The following LYPLAL1 variants were observed in gnomAD, a reference collection of about 807,000 sequenced individuals.
The protein encoded by LYPLAL1 is lysophospholipase-like protein 1.
In LYPLAL1, 23 loss-of-function variants were observed where a neutral mutation model predicts 19.7. The observed-to-expected ratio is 1.17, with a 90% confidence interval of 0.84 to 1.65. LYPLAL1 has a LOEUF of 1.65. LYPLAL1 is among the 40% of genes most tolerant of loss of function. The pLI, the probability that LYPLAL1 is intolerant of heterozygous loss-of-function variation, is 0.00. For missense variants in LYPLAL1, 355 were observed against 279.4 expected (o/e 1.27, Z -1.93); for synonymous variants, 119 against 96.3 (o/e 1.24, Z -1.38).
the LYPLAL1 span, among the ~76,000 whole-genome samples, chr1:219,360,521 T>C: frequency 1.2e-4 from 18 of 152,326 alleles, no homozygotes; most frequent in African/African-American, 4.3e-4. Flanking sequence ...TTATTCTTCT[T>C]CATATTCCAA....
chr1:219,283,697 C>T, the LYPLAL1 span, among the ~76,000 whole-genome samples: 4 of 152,130 alleles, frequency 2.6e-5, no homozygotes, highest in African/African-American at 9.7e-5. Context: ...TTATTAGGAA[C>T]CATAGAAGCA....
chr1:219,274,226 C>T, the LYPLAL1 span, among the ~76,000 whole-genome samples: 1 of 152,054 alleles, frequency 6.6e-6, no homozygotes, highest in Non-Finnish European at 1.5e-5. Flanking sequence ...AACAGCATGC[C>T]CAAATGTAGA....
intron 2 of LYPLAL1, among the ~76,000 whole-genome samples, chr1:219,183,643 G>T (rs1392253247): frequency 6.6e-6 from 1 of 151,806 alleles, no homozygotes; most frequent in East Asian, 1.9e-4. Flanking sequence ...GCATAGTTTG[G>T]CTTGTTCTTG....
At chr1:219,354,722 A>T in the LYPLAL1 span, among the ~76,000 whole-genome samples, 1 of 152,236 alleles carries the variant, frequency 6.6e-6, no homozygotes, top group Non-Finnish European at 1.5e-5. Context: ...TAAAGCTAAT[A>T]TTATTTGTAA....
the LYPLAL1 span, among the ~76,000 whole-genome samples, chr1:219,408,519 C>T: frequency 6.6e-6 from 1 of 151,982 alleles, no homozygotes; most frequent in Non-Finnish European, 1.5e-5. Flanking sequence ...CATGTTTTCA[C>T]AGTCAAGGAA....
chr1:219,415,586 A>T, the LYPLAL1 span, among the ~76,000 whole-genome samples: 1 of 152,212 alleles, frequency 6.6e-6, no homozygotes, highest in Non-Finnish European at 1.5e-5. Context: ...TACACTTGAG[A>T]AATATGAACT....
At chr1:219,213,876 CT>C (rs1275263932), downstream of LYPLAL1, among the ~76,000 whole-genome samples, 1 of 151,964 alleles carries the variant, frequency 6.6e-6, no homozygotes, top group Non-Finnish European at 1.5e-5. Context: ...AAATATATGC[CT>C]TTTATTTTCT....
chr1:219,185,710 A>T (rs912410379), intron 2 of LYPLAL1, among the ~76,000 whole-genome samples: 9 of 151,890 alleles, frequency 5.9e-5, no homozygotes, highest in African/African-American at 1.7e-4. Context: ...GAATCATCTG[A>T]AGGCTCACTC....
At chr1:219,373,893 A>ACC in the LYPLAL1 span, among the ~76,000 whole-genome samples, 49 of 132,220 alleles carry the variant, frequency 3.7e-4, 2 homozygotes, top group African/African-American at 1.3e-3. Flanking sequence ...AAAAAAAAAA[A>ACC]CACAAAAACC....
the LYPLAL1 span, among the ~76,000 whole-genome samples, chr1:219,282,075 G>T: frequency 6.6e-6 from 1 of 152,150 alleles, no homozygotes; most frequent in African/African-American, 2.4e-5. Flanking sequence ...AGAGGACTTA[G>T]ATGAATCAGA....
the LYPLAL1 span, among the ~76,000 whole-genome samples, chr1:219,330,998 T>C: frequency 6.6e-6 from 1 of 152,322 alleles, no homozygotes; most frequent in South Asian, 2.1e-4. Flanking sequence ...TTCCTGCTGT[T>C]GTAAAGGCTT....
chr1:219,370,337 T>C, the LYPLAL1 span, among the ~76,000 whole-genome samples: 1 of 152,208 alleles, frequency 6.6e-6, no homozygotes, highest in South Asian at 2.1e-4. Flanking sequence ...TGTGCTTTCT[T>C]TTCTCGTGGC....
intron 3 of LYPLAL1, among the ~76,000 whole-genome samples, chr1:219,202,737 G>T (rs1658218186): frequency 6.6e-6 from 1 of 152,062 alleles, no homozygotes; most frequent in African/African-American, 2.4e-5. Flanking sequence ...AAGTGCAGTG[G>T]CGTGATCATA....
the LYPLAL1 span, among the ~76,000 whole-genome samples, chr1:219,237,071 C>T: frequency 6.6e-6 from 1 of 152,044 alleles, no homozygotes. Flanking sequence ...ACTAAAATTT[C>T]CCACTGAGTA....
intron 2 of LYPLAL1, among the ~76,000 whole-genome samples, chr1:219,189,080 C>T (rs1313295556): frequency 6.6e-6 from 1 of 151,668 alleles, no homozygotes; most frequent in Non-Finnish European, 1.5e-5. Flanking sequence ...TAGTAACATA[C>T]TTACATTGGG....
chr1:219,264,043 T>C, the LYPLAL1 span, among the ~76,000 whole-genome samples: 9 of 152,186 alleles, frequency 5.9e-5, no homozygotes, highest in African/African-American at 2.2e-4. Flanking sequence ...ATTAGTCCTG[T>C]CTCCCATCTG....
the LYPLAL1 span, among the ~76,000 whole-genome samples, chr1:219,377,054 A>G: frequency 1.3e-5 from 2 of 152,220 alleles, no homozygotes; most frequent in Admixed American, 1.3e-4. Flanking sequence ...AGCATTATTC[A>G]TAATAGCTAC....
the LYPLAL1 span, among the ~76,000 whole-genome samples, chr1:219,354,049 A>G: frequency 6.6e-6 from 1 of 152,238 alleles, no homozygotes; most frequent in Non-Finnish European, 1.5e-5. Flanking sequence ...ACATGGAAGT[A>G]GAAACAGTCC....
chr1:219,315,179 C>T, the LYPLAL1 span, among the ~76,000 whole-genome samples: 7 of 152,024 alleles, frequency 4.6e-5, no homozygotes, highest in South Asian at 2.1e-4. Flanking sequence ...CTTTAAAAAG[C>T]GTGATATGTT....
Sources: gnomAD v4.1 joint callset for allele counts (sites outside exome capture counted in the v4.1 genomes callset) on GRCh38, gnomAD v4.1.1 for gene constraint, MANE v1.5 for transcripts, NCBI Gene and HGNC (gene_info 2026-07-23, HGNC 2026-07-21) for gene names.